The following PRKAA1 variants were observed in gnomAD, a reference collection of about 807,000 sequenced individuals.
PRKAA1 encodes the protein 5'-AMP-activated protein kinase catalytic subunit alpha-1.
Under a neutral mutation model 56.9 loss-of-function variants are expected in PRKAA1, and 23 were observed. That is an observed-to-expected ratio of 0.40 (90% CI 0.29 to 0.57). PRKAA1 has a LOEUF of 0.57. PRKAA1 is among the 20% of genes least tolerant of loss of function. The pLI, the probability that PRKAA1 is intolerant of heterozygous loss-of-function variation, is 0.39. For missense variants in PRKAA1, 413 were observed against 679.7 expected, an observed-to-expected ratio of 0.61 and a Z score of 4.36; for synonymous variants, 226 against 227.0, an observed-to-expected ratio of 1.00 and a Z score of 0.04.
chr5:40,777,415 T>C lies in PRKAA1; in HGVS notation c.269+30A>G, dbSNP rs777588446. On this transcript the variant is annotated intron_variant, in intron 2 of 8. Coordinates refer to ENST00000397128, the MANE Select transcript of PRKAA1 (RefSeq NM_006251.6). ...TTAACAAAAAAGATGAAAAGATGACTGGACTATATTTAATATAAACAGAGC... is the reference window on the plus strand; with the variant it reads ...TTAACAAAAAAGATGAAAAGATGACCGGACTATATTTAATATAAACAGAGC... 5 of 1,547,172 alleles carry C rather than the reference T, an allele frequency of 3.2e-6. No homozygotes were observed. In the African/African-American group the frequency reaches 7.4e-5, roughly 23 times the overall value.
At chr5:40,785,261 C>T (rs562157814) in intron 1 of PRKAA1, among the ~76,000 whole-genome samples, 5 of 151,972 alleles carry the variant, frequency 3.3e-5, no homozygotes, top group East Asian at 3.9e-4. Context: ...ATTTTTGAGA[C>T]GGAGTTTTGC....
intron 1 of PRKAA1, among the ~76,000 whole-genome samples, chr5:40,779,337 T>A (rs2112050375): frequency 6.6e-6 from 1 of 152,188 alleles, no homozygotes; most frequent in Non-Finnish European, 1.5e-5. Context: ...TCCAAAAAAT[T>A]GAATTCTGGA....
At chr5:40,787,800 C>T (rs1196158158) in intron 1 of PRKAA1, among the ~76,000 whole-genome samples, 2 of 152,062 alleles carry the variant, frequency 1.3e-5, no homozygotes, top group Admixed American at 6.6e-5. Flanking sequence ...TACAGAAACA[C>T]TAGAAAACAA....
intron 1 of PRKAA1, among the ~76,000 whole-genome samples, chr5:40,788,569 C>T (rs534396400): frequency 6.6e-5 from 10 of 152,216 alleles, no homozygotes; most frequent in African/African-American, 2.2e-4. Flanking sequence ...ACAGGCCAGA[C>T]GCGTAATCCC....
At chr5:40,773,277 G>A (rs191995239) in intron 3 of PRKAA1, among the ~76,000 whole-genome samples, 6 of 151,770 alleles carry the variant, frequency 4.0e-5, no homozygotes, top group South Asian at 2.1e-4. Flanking sequence ...GTAGGTTCAT[G>A]GGGAAAAAAA....
At chr5:40,771,030 T>C (rs376637380) in intron 4 of PRKAA1, among the ~76,000 whole-genome samples, 2 of 152,160 alleles carry the variant, frequency 1.3e-5, no homozygotes, top group East Asian at 1.9e-4. Context: ...TAAATTCACA[T>C]AGTTCACTTC....
chr5:40,793,876 G>A (rs1374954783), intron 1 of PRKAA1, among the ~76,000 whole-genome samples: 1 of 152,010 alleles, frequency 6.6e-6, no homozygotes, highest in Non-Finnish European at 1.5e-5. Context: ...CGAGGCGGGT[G>A]GGATCACCTG....
At chr5:40,773,441 T>C (rs1743844885) in intron 3 of PRKAA1, among the ~76,000 whole-genome samples, 1 of 152,194 alleles carries the variant, frequency 6.6e-6, no homozygotes, top group Non-Finnish European at 1.5e-5. Context: ...AAAGGAAGGT[T>C]AGAAAAGTCA....
chr5:40,797,932 G>A (rs1745012655), intron 1 of PRKAA1, 131 bp downstream of exon 1: 3 of 1,394,340 alleles, frequency 2.2e-6, no homozygotes, highest in Non-Finnish European at 2.8e-6. Context: ...AGCTCCCGCA[G>A]GATCCGGGAC....
intron 1 of PRKAA1, among the ~76,000 whole-genome samples, chr5:40,783,882 T>A (rs1057199169): frequency 6.6e-6 from 1 of 152,162 alleles, no homozygotes; most frequent in African/African-American, 2.4e-5. Context: ...GAAAGCAGTA[T>A]GTATACAAAG....
At chr5:40,771,504 T>C (rs1561172117) in intron 4 of PRKAA1, among the ~76,000 whole-genome samples, 1 of 152,180 alleles carries the variant, frequency 6.6e-6, no homozygotes. Context: ...CCTGCCTCTA[T>C]AAAATAATAG....
intron 8 of PRKAA1, among the ~76,000 whole-genome samples, chr5:40,763,610 T>G (rs1743292444): frequency 6.6e-6 from 1 of 152,110 alleles, no homozygotes; most frequent in African/African-American, 2.4e-5. Context: ...AAAACTAAGG[T>G]TGGGAACACA....
intron 1 of PRKAA1, 70 bp from the exon 2 acceptor site, chr5:40,777,656 C>T (rs1212412780): frequency 9.2e-6 from 13 of 1,410,624 alleles, no homozygotes; most frequent in Middle Eastern, 2.0e-4. Context: ...TATTCTGGCC[C>T]GGTGCAGTGG....
At position 40,770,135 on chromosome 5, in the gene PRKAA1, T is replaced by C. The variant is rs569065096; in HGVS notation, c.509-632A>G. Among the ~76,000 whole-genome samples, 107 of 152,206 alleles carry C rather than the reference T, an allele frequency of 7.0e-4. 1 individual carries two copies. The South Asian group carries it at 0.02, about 29-fold the overall frequency. ...AGATATAGTTATAGATATAGATACA[T>C]AGATGTAGTCAAAACTGAGGAAAAT... On this transcript the variant is annotated intron_variant, in intron 4 of 8. Transcript: ENST00000397128.
intron 5 of PRKAA1, chr5:40,768,724 G>T (rs1455450737): frequency 1.5e-5 from 19 of 1,303,008 alleles, no homozygotes; most frequent in Admixed American, 8.2e-5. Flanking sequence ...TGGTTTGGGT[G>T]AAAAGTTATT....
chr5:40,790,541 G>T (rs7735424), intron 1 of PRKAA1, among the ~76,000 whole-genome samples: 1,903 of 67,038 alleles, frequency 0.028, 20 homozygotes, highest in African/African-American at 0.059. Flanking sequence ...TTTTTTTTTT[G>T]TTGTTGTTGT....
intron 1 of PRKAA1, among the ~76,000 whole-genome samples, chr5:40,783,924 T>A (rs759330288): frequency 1.6e-4 from 25 of 152,182 alleles, no homozygotes; most frequent in Non-Finnish European, 2.1e-4. Flanking sequence ...GACCTCGGTT[T>A]TATTCCTGTT....
Position 40,788,855 on chromosome 5 carries a change from A to AT in PRKAA1, c.127+9207dup, listed in dbSNP as rs549542248. Among the ~76,000 whole-genome samples, 100 of 151,544 alleles carry AT rather than the reference A, an allele frequency of 6.6e-4. 1 individual carries two copies. In the South Asian group the frequency reaches 0.019, roughly 29 times the overall value. ...AAAACAAACAAACAAGCAAAAACAA[A>AT]TAGAGTGAAGAGACAACCCAAAGAC... On this transcript the variant is annotated intron_variant, in intron 1 of 8. Transcript: ENST00000397128.
Position 40,760,286 on chromosome 5 carries a change from T to C in PRKAA1, c.*2492A>G, listed in dbSNP as rs1743122815. 1 of 152,668 alleles carries C rather than the reference T, an allele frequency of 6.6e-6. No individual in the cohort carries two copies. The highest frequency in any genetic ancestry group is 1.5e-5 in the Non-Finnish European group (1 of 68,014). 9.5% of individuals were successfully genotyped at this position (152,668 alleles called of 1,614,324 possible). A position where few individuals can be genotyped will look rare whatever the true frequency, so the allele number is the denominator to read the frequency against. On this transcript the variant is annotated 3_prime_UTR_variant, in exon 9 of 9. Transcript: ENST00000397128. ...AATTGTCTGTGCATTTATCATACTA[T>C]TTATAGAAGTGCAATATTTAAATAT...
Sources: gnomAD v4.1 joint callset for allele counts (sites outside exome capture counted in the v4.1 genomes callset) on GRCh38, gnomAD v4.1.1 for gene constraint, MANE v1.5 for transcripts, NCBI Gene and HGNC (gene_info 2026-07-23, HGNC 2026-07-21) for gene names.